The following IL3RA variants were observed in gnomAD, a reference collection of about 807,000 sequenced individuals.
IL3RA encodes interleukin 3 receptor subunit alpha.
IL3RA carries 73 observed loss-of-function variants against 52.3 expected under a neutral mutation model. The observed-to-expected ratio is 1.40, with a 90% CI of 1.16 to 1.70. The LOEUF (loss-of-function observed/expected upper bound fraction) is 1.70, where lower values mean the gene tolerates loss of function less well. IL3RA is among the 40% of genes most tolerant of loss of function. The pLI is 0.00. For missense variants in IL3RA, 664 were observed against 504.4 expected (o/e 1.32, Z -3.03); for synonymous variants, 260 against 194.0 (o/e 1.34, Z -2.83).
chrX:1,340,150 C>T (rs1216976831), intron 1 of IL3RA, among the ~76,000 whole-genome samples: 1 of 138,380 alleles, frequency 7.2e-6, no homozygotes, highest in East Asian at 2.3e-4. Context: ...GAGTCTCGCT[C>T]TGTCGTCCAG....
chrX:1,348,657 T>TCTTTCTTC, intron 4 of IL3RA, 112 bp downstream of exon 4: 1 of 428,326 alleles, frequency 2.3e-6, no homozygotes, highest in Non-Finnish European at 4.0e-6. Flanking sequence ...TTTCTTTCTT[T>TCTTTCTTC]CTTTCTTTCT....
chrX:1,346,804 G>A (rs1325035566), intron 3 of IL3RA, among the ~76,000 whole-genome samples: 12 of 151,382 alleles, frequency 7.9e-5, no homozygotes, highest in Non-Finnish European at 1.5e-4. Flanking sequence ...TGGGAAAGGA[G>A]CACGTTTCCC....
chrX:1,356,290 G>C lies in IL3RA; in HGVS notation c.686G>C (p.Arg229Thr). 1 of 1,613,636 alleles carries C rather than the reference G, an allele frequency of 6.2e-7. No individual in the cohort carries two copies. The highest frequency in any genetic ancestry group is 1.7e-5 in the Admixed American group (1 of 59,970). Residue 229 changes from arginine to threonine, a missense_variant, in exon 7 of 12, where the codon AGA becomes ACA. Physicochemically the swap from Arg to Thr is moderately conservative, Grantham distance 71. Coordinates refer to ENST00000331035, the MANE Select transcript of IL3RA (RefSeq NM_002183.4). The part of the protein sequence containing the change: ...KTHSFMHWKM[R>T]SHFNRKFRYE... ...CATTCCTTTATGCACTGGAAAATGA[G>C]AAGTCATTTCAATCGCAAATTTCGC... is the stretch of plus-strand genomic sequence containing the variant.
intron 8 of IL3RA, among the ~76,000 whole-genome samples, chrX:1,359,982 T>C (rs1458718894): frequency 6.6e-6 from 1 of 150,586 alleles, no homozygotes; most frequent in Non-Finnish European, 1.5e-5. Flanking sequence ...TCTCCCTTTC[T>C]CCCTCCATCT....
At chrX:1,361,462 G>A (rs1215507240) in intron 8 of IL3RA, among the ~76,000 whole-genome samples, 2 of 152,120 alleles carry the variant, frequency 1.3e-5, no homozygotes, top group Non-Finnish European at 2.9e-5. Context: ...AAGACAGAAT[G>A]AGACAGTCGC....
chrX:1,349,613 CTTCT>C (rs1303196276), intron 4 of IL3RA, among the ~76,000 whole-genome samples: 10 of 152,004 alleles, frequency 6.6e-5, no homozygotes, highest in African/African-American at 2.2e-4. Flanking sequence ...CGCCTGGCCT[CTTCT>C]TTGTTTTTTA....
In IL3RA at chrX:1,343,175, G is replaced by A. The variant is rs148239595; in HGVS notation, c.64+1346G>A. On this transcript the variant is annotated intron_variant, in intron 2 of 11. Transcript: ENST00000331035. ...TCCTTCTAAGTTAGAAGAAAATAAT[G>A]CCAGAAGTCTAGACATTCTTATGCT... 6.0e-3 allele frequency among the ~76,000 whole-genome samples: 920 copies of A among 152,156 alleles called. 8 individuals are homozygous for A. The highest frequency in any genetic ancestry group is 0.021 in the African/African-American group (877 of 41,488).
rs191589394 is a variant in IL3RA, at chrX:1,349,874, G to A, written c.298+1329G>A. On this transcript the variant is annotated intron_variant, in intron 4 of 11. Coordinates refer to ENST00000331035, the MANE Select transcript of IL3RA (RefSeq NM_002183.4). ...GACGGGGCTTCACCATGTTGGTCTC[G>A]AACTCCTGACCTTGTGATCCACCCG... 7.1e-3 allele frequency among the ~76,000 whole-genome samples: 1,036 copies of A among 146,856 alleles called. 12 individuals carry two copies. The highest frequency in any genetic ancestry group is 0.023 in the African/African-American group (931 of 40,038).
chrX:1,343,890 A>G (rs1362029219), intron 2 of IL3RA, among the ~76,000 whole-genome samples: 3 of 148,436 alleles, frequency 2.0e-5, no homozygotes, highest in Non-Finnish European at 3.0e-5. Flanking sequence ...CCGCCTCCCG[A>G]GTTCCAGTGA....
chrX:1,338,945 A>G (rs1384856959), intron 1 of IL3RA, among the ~76,000 whole-genome samples: 2 of 151,940 alleles, frequency 1.3e-5, no homozygotes, highest in African/African-American at 4.8e-5. Context: ...GACTACAGGC[A>G]CCCGCAACTA....
rs759430565 is a variant in IL3RA, at chrX:1,362,813, T to A, written c.760-2325T>A. ...TATTTTGAGACAGAGTCTCGCTCTG[T>A]CACCCAGGCTGGAGTGCAGTGGTGC... On this transcript the variant is annotated intron_variant, in intron 8 of 11. Transcript: ENST00000331035. 3.3e-5 allele frequency among the ~76,000 whole-genome samples: 5 copies of A among 152,156 alleles called. No individual in the cohort carries two copies. The South Asian group carries it at 1.0e-3, about 32-fold the overall frequency.
At chrX:1,381,148 G>A (rs1462598369) in intron 11 of IL3RA, 44 bp downstream of exon 11, 4 of 1,584,750 alleles carry the variant, frequency 2.5e-6, no homozygotes, top group Non-Finnish European at 3.5e-6. Flanking sequence ...GAGGCGTGGT[G>A]GCCACTTTGG....
intron 9 of IL3RA, among the ~76,000 whole-genome samples, chrX:1,366,703 G>A: frequency 8.4e-5 from 1 of 11,836 alleles, no homozygotes; most frequent in Admixed American, 7.0e-4. Context: ...CGGGTGCGCG[G>A]GGTGAGCGGG....
intron 3 of IL3RA, among the ~76,000 whole-genome samples, chrX:1,347,775 A>G (rs1470851455): frequency 3.3e-5 from 5 of 151,814 alleles, no homozygotes. Flanking sequence ...GCGGTGGCTC[A>G]CGCCTGTCAT....
intron 4 of IL3RA, among the ~76,000 whole-genome samples, chrX:1,349,057 G>C (rs2085957513): frequency 2.0e-5 from 3 of 150,922 alleles, no homozygotes; most frequent in Middle Eastern, 3.2e-3. Flanking sequence ...GCCCAGGCTG[G>C]AGCGCAGTGG....
chrX:1,363,773 G>A (rs2087681594), intron 8 of IL3RA, among the ~76,000 whole-genome samples: 2 of 152,040 alleles, frequency 1.3e-5, no homozygotes, highest in South Asian at 2.1e-4. Flanking sequence ...ACGCTAGAGT[G>A]CAGTGGCACA....
chrX:1,345,318 C>A lies in IL3RA; in HGVS notation c.67C>A (p.Pro23Thr). ...LPCLLQTKED[P>T]NPPITNLRMK... ...ACTCCAACCTGTCACCGTTTTAGAT[C>A]CAAACCCACCAATCACGAACCTAAG... The change falls in exon 3 of 12, where the codon CCA becomes ACA. Residue 23 changes from proline to threonine, a missense_variant and splice_region_variant. Transcript: ENST00000331035. 1 of 1,607,190 alleles carries A rather than the reference C, an allele frequency of 6.2e-7. No individual in the cohort carries two copies. The highest frequency in any genetic ancestry group is 8.5e-7 in the Non-Finnish European group (1 of 1,175,802).
chrX:1,350,372 C>G (rs1379011266), intron 4 of IL3RA, among the ~76,000 whole-genome samples: 4 of 146,876 alleles, frequency 2.7e-5, no homozygotes, highest in Non-Finnish European at 6.0e-5. Context: ...GGCGGATCAC[C>G]TGAGGTCAGG....
At chrX:1,345,291 G>A (rs17884006) in intron 2 of IL3RA, 25 bp from the exon 3 acceptor site, 48 of 1,532,712 alleles carry the variant, frequency 3.1e-5, no homozygotes, top group African/African-American at 2.0e-4. Context: ...GTATCTCTTC[G>A]AACTCCAACC....
Sources: gnomAD v4.1 joint callset for allele counts (sites outside exome capture counted in the v4.1 genomes callset) on GRCh38, gnomAD v4.1.1 for gene constraint, MANE v1.5 for transcripts, NCBI Gene and HGNC (gene_info 2026-07-23, HGNC 2026-07-21) for gene names.